The following HYAL1 variants were observed in gnomAD, a reference collection of about 807,000 sequenced individuals.
HYAL1 encodes the protein hyaluronidase-1.
In HYAL1, 21 loss-of-function variants were observed where a neutral mutation model predicts 28.8. The observed-to-expected ratio is 0.73, with a 90% CI of 0.52 to 1.05. The LOEUF is 1.05. Among genes scored for constraint, HYAL1 ranks in the 50% least tolerant of loss-of-function variants. The pLI, the probability that HYAL1 is intolerant of heterozygous loss-of-function variation, is 0.00. For missense variants in HYAL1, 491 were observed against 579.2 expected (o/e 0.85, Z 1.56); for synonymous variants, 200 against 230.1 (o/e 0.87, Z 1.18).
rs1364553462 is a variant in HYAL1 at position 50,308,780 on chromosome 3, G to A, written c.-191+879C>T. ...AAGTCTCACTCTGTCACCCAGGCTG[G>A]AGTGCAATGGCAGGATCTCGGCTCA... On this transcript the variant is annotated intron_variant, in intron 2 of 5. Transcript: ENST00000320295. Among the ~76,000 whole-genome samples, 23 of 144,280 alleles carry A rather than the reference G, an allele frequency of 1.6e-4. 1 individual carries two copies. The highest frequency in any genetic ancestry group is 6.1e-4 in the African/African-American group (23 of 37,408). The allele number at this position is 144,280 out of a possible 152,430, so 94.7% of individuals were successfully genotyped here. A position where few individuals can be genotyped will look rare whatever the true frequency, so the allele number is the denominator to read the frequency against.
chr3:50,301,634 AG>A (rs1559818201), intron 2 of HYAL1, among the ~76,000 whole-genome samples: 1 of 145,566 alleles, frequency 6.9e-6, no homozygotes, highest in African/African-American at 2.6e-5. Flanking sequence ...AAAAAAAAAA[AG>A]GATGAATGAA....
At chr3:50,301,219 C>T in intron 2 of HYAL1, 142 bp from the exon 3 acceptor site, 1 of 613,708 alleles carries the variant, frequency 1.6e-6, no homozygotes, top group Non-Finnish European at 2.9e-6. Flanking sequence ...ACTGCTTCCT[C>T]CTCTAGCCTA....
At chr3:50,305,874 TA>T (rs1457072552), upstream of HYAL1, among the ~76,000 whole-genome samples, 2 of 151,380 alleles carry the variant, frequency 1.3e-5, no homozygotes, top group Non-Finnish European at 2.9e-5. Context: ...CATATCTCCC[TA>T]AAATGTATAA....
chr3:50,309,328 G>C (rs1353183891), intron 2 of HYAL1, among the ~76,000 whole-genome samples: 1 of 150,568 alleles, frequency 6.6e-6, no homozygotes, highest in Non-Finnish European at 1.5e-5. Context: ...GCTGGGCATG[G>C]TGGCACATGC....
chr3:50,303,569 G>A lies in HYAL1; in HGVS notation c.-128C>T, dbSNP rs587624614. On this transcript the variant is annotated 5_prime_UTR_variant, in exon 1 of 4. Coordinates refer to ENST00000395144, the MANE Select transcript of HYAL1 (RefSeq NM_033159.4). ...CCCAGCTGCACCAGAGACTCCTGGA[G>A]GAAGGAGCCGCTGCTGGAAATTCTG... is the stretch of plus-strand genomic sequence containing the variant. 8 of 152,520 alleles carry A rather than the reference G, an allele frequency of 5.2e-5. No homozygotes were observed. In the South Asian group the frequency reaches 1.7e-3, roughly 32 times the overall value. 9.4% of individuals were successfully genotyped at this position (152,520 alleles called of 1,614,324 possible).
intron 1 of HYAL1, among the ~76,000 whole-genome samples, chr3:50,311,178 C>T (rs587640236): frequency 8.8e-4 from 133 of 151,134 alleles, no homozygotes; most frequent in African/African-American, 3.0e-3. Flanking sequence ...TAGGGGCAGC[C>T]GGGCAGAGGC....
upstream of HYAL1, among the ~76,000 whole-genome samples, chr3:50,307,621 C>A (rs1702357806): frequency 8.6e-6 from 1 of 116,372 alleles, no homozygotes; most frequent in Non-Finnish European, 1.6e-5. Flanking sequence ...GCGGAGCTTG[C>A]AGTGAGCGGA....
Position 50,301,116 on chromosome 3 carries a change from C to T in HYAL1, c.901-39G>A, listed in dbSNP as rs587620179. ...AGCACAGCTCTGTGGGGCCTCCTTC[C>T]CACCATGTGGCAGACTGCTGGAACA... is the stretch of plus-strand genomic sequence containing the variant. On this transcript the variant is annotated intron_variant, in intron 2 of 3. Coordinates refer to ENST00000395144, the MANE Select transcript of HYAL1 (RefSeq NM_033159.4). 50 of 1,352,358 alleles carry T rather than the reference C, an allele frequency of 3.7e-5. No individual in the cohort carries two copies. In the East Asian group the frequency reaches 1.1e-3, roughly 30 times the overall value. The allele number at this position is 1,352,358 out of a possible 1,614,324, so 83.8% of individuals were successfully genotyped here. A position where few individuals can be genotyped will look rare whatever the true frequency, so the allele number is the denominator to read the frequency against.
In HYAL1 at chr3:50,302,179, T is replaced by G; in HGVS notation, c.778A>C (p.Met260Leu). 6.2e-7 allele frequency: 1 copy of G among 1,614,174 alleles called. No individual in the cohort carries two copies. Among genetic ancestry groups the G allele is most frequent in the Non-Finnish European group, 8.5e-7 (1 of 1,180,030 alleles). The change falls in exon 2 of 4, where the codon ATG becomes CTG. Residue 260 changes from methionine to leucine, a missense_variant. Coordinates refer to ENST00000395144, the MANE Select transcript of HYAL1 (RefSeq NM_033159.4). The surrounding 1 kb of genome is among the most constrained non-coding windows in gnomAD (Gnocchi z 5.0). Reference sequence around the variant, plus strand: ...TCGGCCACACGGTGTTGCACATACATCTGTGACTTCCCTGTGCCCTCCAGC... The same window carrying G: ...TCGGCCACACGGTGTTGCACATACAGCTGTGACTTCCCTGTGCCCTCCAGC... ...AVLEGTGKSQ[M>L]YVQHRVAEAF...
chr3:50,304,856 G>A (rs147695196), upstream of HYAL1, among the ~76,000 whole-genome samples: 609 of 152,308 alleles, frequency 4.0e-3, 6 homozygotes, highest in Middle Eastern at 0.014. Flanking sequence ...CAGTGCCTGG[G>A]ACTGGGTGTG....
rs782652787 is a variant in HYAL1, at chr3:50,302,755, C to A, written c.202G>T (p.Gly68Cys). 15 of 1,613,964 alleles carry A rather than the reference C, an allele frequency of 9.3e-6. No homozygotes were observed. Among genetic ancestry groups the A allele is most frequent in the Non-Finnish European group, 1.2e-5 (14 of 1,180,012 alleles). ...VVANPGQTFR[G>C]PDMTIFYSSQ... ...CTATAGAAAATTGTCATGTCAGGGC[C>A]GCGGAAGGTCTGCCCTGGGTTGGCT... Residue 68 changes from glycine (G) to cysteine (C), a missense_variant, in exon 2 of 4, where the codon GGC becomes TGC. By Grantham distance (159) the Gly-to-Cys change is radical (BLOSUM62 -3). Transcript: ENST00000395144. The surrounding 1 kb of genome is among the most constrained non-coding windows in gnomAD (Gnocchi z 5.0).
intron 1 of HYAL1, 34 bp from the exon 2 acceptor site, chr3:50,303,014 C>G (rs1553713503): frequency 6.7e-7 from 1 of 1,486,882 alleles, no homozygotes; most frequent in African/African-American, 1.4e-5. Flanking sequence ...GAACAGGTTG[C>G]AAAGTCTCCG....
intron 1 of HYAL1, 45 bp from the exon 2 acceptor site, chr3:50,303,025 AT>A: frequency 7.0e-7 from 1 of 1,423,014 alleles, no homozygotes; most frequent in Non-Finnish European, 9.5e-7. Flanking sequence ...AAAGTCTCCG[AT>A]TCCCCCACTG....
intron 1 of HYAL1, among the ~76,000 whole-genome samples, chr3:50,311,531 G>T (rs1485871957): frequency 7.6e-6 from 1 of 131,920 alleles, no homozygotes; most frequent in Non-Finnish European, 1.6e-5. Context: ...GGGCAGAGGC[G>T]CCCCTCACCT....
At chr3:50,306,590 A>T (rs587701857), upstream of HYAL1, among the ~76,000 whole-genome samples, 19 of 151,416 alleles carry the variant, frequency 1.3e-4, no homozygotes, top group South Asian at 4.1e-4. Flanking sequence ...TAATAAGATT[A>T]AAAAAATTTT....
Position 50,300,487 on chromosome 3 carries a change from C to T in HYAL1, c.1304G>A (p.Trp435Ter). ...QAPWCERKSMW is the reference protein window; with the variant it reads ...QAPWCERKSM ...TGCAACTCAGTGTGTGGCCAATCAC[C>T]ACATGCTCTTCCGCTCACACCACGG... The change falls in exon 4 of 4, where the codon TGG becomes TAG. Residue 435 changes from tryptophan (W) to a stop codon, truncating the protein, a stop_gained. Coordinates refer to ENST00000395144, the MANE Select transcript of HYAL1 (RefSeq NM_033159.4). LOFTEE classifies it high-confidence loss of function. The T allele has an allele frequency of 6.2e-7, 1 of 1,614,192 alleles. No individual in the cohort carries two copies. The highest frequency in any genetic ancestry group is 8.5e-7 in the Non-Finnish European group (1 of 1,180,034).
upstream of HYAL1, among the ~76,000 whole-genome samples, chr3:50,304,320 T>A (rs1303627286): frequency 4.4e-3 from 360 of 80,972 alleles, 18 homozygotes; most frequent in East Asian, 0.012. Context: ...TATATATATA[T>A]ATATATATAT....
upstream of HYAL1, among the ~76,000 whole-genome samples, chr3:50,305,800 C>G (rs1024028669): frequency 6.6e-6 from 1 of 151,370 alleles, no homozygotes; most frequent in African/African-American, 2.5e-5. Context: ...TCCCAAAGTG[C>G]TGGGATTACA....
rs1559816345 is a variant in HYAL1 at position 50,300,644 on chromosome 3, TAAG to T, written c.1144_1146del (p.Leu382del). On this transcript the variant is annotated inframe_deletion, in exon 4 of 4. Coordinates refer to ENST00000395144, the MANE Select transcript of HYAL1 (RefSeq NM_033159.4). ...AGCTGGATGGAGAAACTGGCAGGGT[TAAG>T]GAGGAGGAGGGCTTTGGGGTGGCTG... The T allele has an allele frequency of 1.9e-6, 3 of 1,614,002 alleles. No individual in the cohort carries two copies. The highest frequency in any genetic ancestry group is 2.2e-5 in the East Asian group (1 of 44,888).
Sources: gnomAD v4.1 joint callset for allele counts (sites outside exome capture counted in the v4.1 genomes callset) on GRCh38, gnomAD v4.1.1 for gene constraint, Gnocchi (gnomAD v3.1) non-coding constraint, MANE v1.5 for transcripts, NCBI Gene and HGNC (gene_info 2026-07-23, HGNC 2026-07-21) for gene names.